The following GTF3C1 variants were observed in gnomAD, a reference collection of about 807,000 sequenced individuals.
GTF3C1 encodes the protein general transcription factor 3C polypeptide 1.
Under a neutral mutation model 226.7 loss-of-function variants are expected in GTF3C1, and 57 were observed. That is an observed-to-expected ratio of 0.25 (90% confidence interval 0.20 to 0.31). The LOEUF is 0.31. Ranked by LOEUF, GTF3C1 falls within the 10% of genes least tolerant of loss-of-function variation. The pLI, the probability that GTF3C1 is intolerant of heterozygous loss-of-function variation, is 1.00. For synonymous variants in GTF3C1, 1,090 were observed against 1,084.8 expected (o/e 1.00, Z -0.09); for missense variants, 2,217 against 2,776.1 (o/e 0.80, Z 4.53).
At chr16:27,479,185 T>C (rs1402962384) in intron 27 of GTF3C1, among the ~76,000 whole-genome samples, 1 of 152,188 alleles carries the variant, frequency 6.6e-6, no homozygotes, top group Admixed American at 6.5e-5. Context: ...CCTTCCTCAA[T>C]GAACACATAT....
intron 2 of GTF3C1, among the ~76,000 whole-genome samples, chr16:27,543,327 A>C (rs1377913949): frequency 6.6e-6 from 1 of 152,204 alleles, no homozygotes; most frequent in Non-Finnish European, 1.5e-5. Context: ...CGGAGGTTGC[A>C]GTAAACCGAG....
chr16:27,543,984 G>T (rs1377166302), intron 2 of GTF3C1, among the ~76,000 whole-genome samples: 2 of 152,152 alleles, frequency 1.3e-5, no homozygotes, highest in South Asian at 2.1e-4. Flanking sequence ...TCTAAGAAGC[G>T]TGGGTGCAGA....
At chr16:27,465,237 G>T in intron 33 of GTF3C1, 23 bp downstream of exon 33, 1 of 1,610,140 alleles carries the variant, frequency 6.2e-7, no homozygotes, top group Non-Finnish European at 8.5e-7. Context: ...GGTGATATCC[G>T]GCTAACCTAA....
intron 23 of GTF3C1, among the ~76,000 whole-genome samples, chr16:27,487,485 G>C (rs1026284482): frequency 3.3e-5 from 5 of 152,196 alleles, no homozygotes; most frequent in African/African-American, 1.2e-4. Flanking sequence ...CGCACAAGGG[G>C]TGCATCAAAT....
chr16:27,480,201 CAA>C (rs35428757), intron 27 of GTF3C1, among the ~76,000 whole-genome samples: 756 of 60,960 alleles, frequency 0.012, 6 homozygotes, highest in African/African-American at 0.039. Context: ...GACTCCATCT[CAA>C]AAAAAAAAAA....
At chr16:27,549,186 C>G (rs910182968) in intron 1 of GTF3C1, among the ~76,000 whole-genome samples, 13 of 152,050 alleles carry the variant, frequency 8.5e-5, no homozygotes. Context: ...CAGCACCTCA[C>G]CCATGAAGTC....
intron 4 of GTF3C1, among the ~76,000 whole-genome samples, chr16:27,537,329 C>T (rs891368429): frequency 6.6e-6 from 1 of 152,180 alleles, no homozygotes; most frequent in Non-Finnish European, 1.5e-5. Flanking sequence ...GTTTTCTAAA[C>T]AAGCAGGACT....
In GTF3C1 at chr16:27,462,645, C is replaced by G; in HGVS notation, c.5925-159G>C. 1.6e-6 allele frequency: 1 copy of G among 609,486 alleles called. No homozygotes were observed. 37.8% of individuals were successfully genotyped at this position (609,486 alleles called of 1,614,324 possible). On this transcript the variant is annotated intron_variant, in intron 35 of 36. Transcript: ENST00000356183. The surrounding 1 kb of genome is among the most constrained non-coding windows in gnomAD (Gnocchi z 4.5). ...TGCTTTCCAAACTCCCTGCTTCTCT[C>G]CTGTCTGGACAGAGGGGCCCTTGAC...
At chr16:27,498,438 G>A (rs973696453) in intron 13 of GTF3C1, among the ~76,000 whole-genome samples, 192 bp downstream of exon 13, 4 of 152,190 alleles carry the variant, frequency 2.6e-5, no homozygotes, top group African/African-American at 9.7e-5. Flanking sequence ...AGACCATTAG[G>A]ACTTTTTTTT....
chr16:27,501,069 T>A, intron 12 of GTF3C1, 122 bp downstream of exon 12: 1 of 787,300 alleles, frequency 1.3e-6, no homozygotes, highest in Non-Finnish European at 2.1e-6. Flanking sequence ...GGAGGCATAA[T>A]GGGAAATTCC....
intron 32 of GTF3C1, among the ~76,000 whole-genome samples, chr16:27,468,821 G>C (rs1353777971): frequency 6.6e-6 from 1 of 152,216 alleles, no homozygotes; most frequent in Non-Finnish European, 1.5e-5. Context: ...AAGTAAAGGA[G>C]GCAGGAGATC....
rs2087846482 is a variant in GTF3C1 at position 27,470,160 on chromosome 16, C to T, written c.4762G>A (p.Glu1588Lys). 2 of 1,614,054 alleles carry T rather than the reference C, an allele frequency of 1.2e-6. No homozygotes were observed. The highest frequency in any genetic ancestry group is 1.7e-6 in the Non-Finnish European group (2 of 1,179,920). ...GAGCTGTCTACCACGATGATCTGCT[C>T]CGGGATCCTGACATCCACAGAAATG... ...GLISVDVRIP[E>K]QIIVVDSSMV... is the part of the protein sequence containing the mutation. The change falls in exon 31 of 37, where the codon GAG (glutamate) becomes AAG (lysine). Residue 1588 changes from glutamate to lysine, a missense_variant. Physicochemically the swap from Glu to Lys is moderately conservative, Grantham distance 56 (BLOSUM62 1). Around this residue, in one of 12 missense-constraint regions of GTF3C1, gnomAD observed 546 missense variants for 663.0 expected, o/e 0.82. Transcript: ENST00000356183. The surrounding 1 kb of genome is among the most constrained non-coding windows in gnomAD (Gnocchi z 4.9).
chr16:27,510,591 C>T (rs1445807838), intron 7 of GTF3C1, among the ~76,000 whole-genome samples: 1 of 152,122 alleles, frequency 6.6e-6, no homozygotes, highest in Non-Finnish European at 1.5e-5. Flanking sequence ...CAGCATTTCC[C>T]CAGCTGTGTT....
intron 2 of GTF3C1, among the ~76,000 whole-genome samples, chr16:27,542,540 G>A (rs1281074080): frequency 6.6e-6 from 1 of 150,618 alleles, no homozygotes; most frequent in African/African-American, 2.4e-5. Flanking sequence ...CAGCCTGGGC[G>A]ACAAGAGCAA....
chr16:27,535,249 G>A (rs930374073), intron 4 of GTF3C1, among the ~76,000 whole-genome samples: 4 of 152,198 alleles, frequency 2.6e-5, no homozygotes, highest in Non-Finnish European at 5.9e-5. Flanking sequence ...ATTGTGGCAA[G>A]CTTAAGTGTT....
chr16:27,549,254 G>A (rs1291057258), intron 1 of GTF3C1, among the ~76,000 whole-genome samples: 1 of 152,178 alleles, frequency 6.6e-6, no homozygotes, highest in Non-Finnish European at 1.5e-5. Flanking sequence ...CAGATCTCGA[G>A]TTGCCCTAGG....
chr16:27,526,645 GGTCA>G (rs1358348340), intron 6 of GTF3C1, among the ~76,000 whole-genome samples: 3 of 152,174 alleles, frequency 2.0e-5, no homozygotes, highest in Admixed American at 1.3e-4. Context: ...TTCCCAGTCT[GGTCA>G]GTCAGTCGCC....
rs199943601 is a variant in GTF3C1 at position 27,497,810 on chromosome 16, G to T, written c.2177C>A (p.Ser726Tyr). The change falls in exon 14 of 37, where the codon TCC becomes TAC. Residue 726 changes from serine (S) to tyrosine (Y), a missense_variant. Coordinates refer to ENST00000356183, the MANE Select transcript of GTF3C1 (RefSeq NM_001520.4). ...CTCCCCTTGGGGCACTGGAGGCTGGGAAGTTTTAACCCTGCAGTTCAAATA... is the reference window on the plus strand; with the variant it reads ...CTCCCCTTGGGGCACTGGAGGCTGGTAAGTTTTAACCCTGCAGTTCAAATA... ...NSSTANRVKTSQPPVPQGEAE... is the reference protein window; with the variant it reads ...NSSTANRVKTYQPPVPQGEAE... 2.1e-5 allele frequency: 34 copies of T among 1,612,556 alleles called. No individual in the cohort carries two copies. Among genetic ancestry groups the T allele is most frequent in the Non-Finnish European group, 2.8e-5 (33 of 1,179,428 alleles).
chr16:27,468,038 A>G (rs779823455), intron 32 of GTF3C1, among the ~76,000 whole-genome samples: 4 of 152,078 alleles, frequency 2.6e-5, no homozygotes, highest in African/African-American at 4.8e-5. Flanking sequence ...ACCAGCATCA[A>G]CAGGAGTTTG....
Sources: allele counts gnomAD v4.1 joint callset (sites outside exome capture counted in the v4.1 genomes callset), GRCh38; gene constraint gnomAD v4.1.1; regional missense constraint gnomAD v4.1.1; non-coding constraint Gnocchi (gnomAD v3.1); transcripts MANE v1.5; gene names NCBI Gene and HGNC (gene_info 2026-07-23, HGNC 2026-07-21).